Variants in SYN3 observed in about 807,000 individuals in gnomAD.
SYN3 encodes the protein synapsin-3.
In SYN3, 35 loss-of-function variants were observed where a neutral mutation model predicts 65.8. The observed-to-expected ratio is 0.53, with a 90% CI of 0.41 to 0.70. The LOEUF (loss-of-function observed/expected upper bound fraction) is 0.70. Among genes scored for constraint, SYN3 ranks in the 30% least tolerant of loss-of-function variants. SYN3 has a pLI of 0.00. For missense variants in SYN3, 680 were observed against 749.0 expected (o/e 0.91, Z 1.08); for synonymous variants, 270 against 292.9 (o/e 0.92, Z 0.80).
intron 6 of SYN3, among the ~76,000 whole-genome samples, chr22:32,599,797 T>A (rs1017821146): frequency 9.2e-5 from 14 of 152,228 alleles, no homozygotes; most frequent in African/African-American, 3.4e-4. Flanking sequence ...ATGTGGCTAG[T>A]TATGTGTCTT....
chr22:32,984,264 CT>C (rs1445643280), intron 2 of SYN3, among the ~76,000 whole-genome samples: 4 of 152,132 alleles, frequency 2.6e-5, no homozygotes, highest in African/African-American at 9.6e-5. Flanking sequence ...TCATAATGAC[CT>C]TAAAGACTCA....
Position 32,509,694 on chromosome 22 carries a change from T to G in SYN3, c.*3998A>C, listed in dbSNP as rs1023657068. 4.6e-5 allele frequency among the ~76,000 whole-genome samples: 7 copies of G among 151,830 alleles called. No homozygotes were observed. The highest frequency in any genetic ancestry group is 8.8e-5 in the Non-Finnish European group (6 of 67,940). ...CGCCATTCTCCTGCCTCAGCCTCCCTAGTAGCTGGGACTACAGGCGCCCGC... is the reference window on the plus strand; with the variant it reads ...CGCCATTCTCCTGCCTCAGCCTCCCGAGTAGCTGGGACTACAGGCGCCCGC... On this transcript the variant is annotated 3_prime_UTR_variant, in exon 14 of 14. Coordinates refer to ENST00000358763, the MANE Select transcript of SYN3 (RefSeq NM_003490.4).
At chr22:32,870,991 C>A (rs1414436828) in intron 4 of SYN3, among the ~76,000 whole-genome samples, 1 of 152,156 alleles carries the variant, frequency 6.6e-6, no homozygotes, top group East Asian at 1.9e-4. Context: ...TCTTAAAAAA[C>A]AACACATAAA....
At chr22:32,569,536 A>AAT (rs1491472605) in intron 7 of SYN3, among the ~76,000 whole-genome samples, 3 of 76,160 alleles carry the variant, frequency 3.9e-5, no homozygotes, top group African/African-American at 2.2e-4. Flanking sequence ...AAAATCAATC[A>AAT]ATCTCTCTCT....
intron 6 of SYN3, among the ~76,000 whole-genome samples, chr22:32,828,582 G>A (rs1186434968): frequency 1.3e-5 from 2 of 152,178 alleles, no homozygotes; most frequent in African/African-American, 4.8e-5. Flanking sequence ...GCCTTTATTT[G>A]GTCTGTTTGC....
chr22:32,663,754 A>G lies in SYN3; in HGVS notation c.712-67018T>C, dbSNP rs931794345. Among the ~76,000 whole-genome samples, 9 of 152,286 alleles carry G rather than the reference A, an allele frequency of 5.9e-5. No homozygotes were observed. The East Asian group carries it at 1.5e-3, about 26-fold the overall frequency. On this transcript the variant is annotated intron_variant, in intron 6 of 13. Transcript: ENST00000358763. ...CAATGTTTTCATATTTGCATTTAAAATTTTGCATTGCACAATGTAAAAGTA... is the reference window on the plus strand; with the variant it reads ...CAATGTTTTCATATTTGCATTTAAAGTTTTGCATTGCACAATGTAAAAGTA...
intron 6 of SYN3, among the ~76,000 whole-genome samples, chr22:32,764,664 C>T (rs765934001): frequency 6.6e-6 from 1 of 152,120 alleles, no homozygotes; most frequent in African/African-American, 2.4e-5. Flanking sequence ...GGGGAAGTCA[C>T]GTGATGTCTC....
intron 9 of SYN3, among the ~76,000 whole-genome samples, chr22:32,536,298 T>C (rs1323150763): frequency 6.6e-6 from 1 of 152,200 alleles, no homozygotes; most frequent in Non-Finnish European, 1.5e-5. Context: ...ACAGGTGGGT[T>C]CCCAGGTTGA....
At chr22:32,576,484 T>G (rs7285258) in intron 7 of SYN3, among the ~76,000 whole-genome samples, 1 of 152,170 alleles carries the variant, frequency 6.6e-6, no homozygotes, top group Non-Finnish European at 1.5e-5. Context: ...ATGCGGTCAA[T>G]AAATACACGG....
In SYN3 at chr22:32,590,713, C is replaced by T. The variant is rs562355453; in HGVS notation, c.774+5961G>A. On this transcript the variant is annotated intron_variant, in intron 7 of 13. Transcript: ENST00000358763. ...TAATCTTTTTAATTTTGGCTATTCT[C>T]GTGGCTATAAAGTAGCAACTCATTG... is the stretch of plus-strand genomic sequence containing the variant. Among the ~76,000 whole-genome samples, 9 of 152,288 alleles carry T rather than the reference C, an allele frequency of 5.9e-5. No individual in the cohort carries two copies. The East Asian group carries it at 1.7e-3, about 29-fold the overall frequency.
intron 6 of SYN3, among the ~76,000 whole-genome samples, chr22:32,757,756 A>G (rs2045340264): frequency 6.6e-6 from 1 of 152,232 alleles, no homozygotes; most frequent in East Asian, 1.9e-4. Flanking sequence ...GACATCTCTT[A>G]GTATTACCAT....
At chr22:32,648,263 G>A (rs1280759398) in intron 6 of SYN3, among the ~76,000 whole-genome samples, 4 of 152,170 alleles carry the variant, frequency 2.6e-5, no homozygotes, top group Non-Finnish European at 5.9e-5. Flanking sequence ...AGAGCTTGGA[G>A]CCCATAGCAA....
chr22:32,990,117 A>G (rs2052651624), intron 2 of SYN3, among the ~76,000 whole-genome samples: 1 of 152,208 alleles, frequency 6.6e-6, no homozygotes, highest in Admixed American at 6.5e-5. Context: ...ATCCCAGAAA[A>G]GGGTTTTTGA....
intron 1 of SYN3, among the ~76,000 whole-genome samples, chr22:33,032,950 G>A (rs141547005): frequency 4.6e-5 from 7 of 152,028 alleles, no homozygotes; most frequent in African/African-American, 9.6e-5. Context: ...ATGGCCTCAG[G>A]CACACGTTCT....
intron 6 of SYN3, among the ~76,000 whole-genome samples, chr22:32,616,386 G>C (rs60207395): frequency 0.24 from 37,207 of 152,140 alleles, 5,209 homozygotes; most frequent in Non-Finnish European, 0.31. Context: ...GTCTCTGGCT[G>C]AGGGGCCCCT....
At chr22:32,841,718 A>C (rs2047909401) in intron 6 of SYN3, among the ~76,000 whole-genome samples, 1 of 152,046 alleles carries the variant, frequency 6.6e-6, no homozygotes, top group Non-Finnish European at 1.5e-5. Context: ...CATTAGGAAA[A>C]ATAGCTAATG....
At chr22:32,731,934 C>G (rs1209478792) in intron 6 of SYN3, among the ~76,000 whole-genome samples, 1 of 152,138 alleles carries the variant, frequency 6.6e-6, no homozygotes. Context: ...CCTCAGGTTT[C>G]TCATGTGTAA....
At chr22:32,676,609 C>T (rs1477808760) in intron 6 of SYN3, among the ~76,000 whole-genome samples, 2 of 135,330 alleles carry the variant, frequency 1.5e-5, no homozygotes, top group South Asian at 2.4e-4. Flanking sequence ...ACGATCTTGG[C>T]TCATGCAAAC....
intron 7 of SYN3, among the ~76,000 whole-genome samples, chr22:32,593,660 TG>T (rs2059157653): frequency 6.6e-6 from 1 of 152,076 alleles, no homozygotes; most frequent in South Asian, 2.1e-4. Flanking sequence ...GAGCCTGGTC[TG>T]GGATGTTTAG....
Sources: gnomAD v4.1 joint callset for allele counts (sites outside exome capture counted in the v4.1 genomes callset) on GRCh38, gnomAD v4.1.1 for gene constraint, MANE v1.5 for transcripts, NCBI Gene and HGNC (gene_info 2026-07-23, HGNC 2026-07-21) for gene names.